PBX3: variants seen among roughly 807,000 people sequenced by gnomAD.
The protein encoded by PBX3 is PBX homeobox 3.
In PBX3, 14 loss-of-function variants were observed where a neutral mutation model predicts 48.5. The ratio of observed to expected loss-of-function variants is 0.29; its 90% CI spans 0.19 to 0.45. The LOEUF (loss-of-function observed/expected upper bound fraction) is 0.45. Ranked by LOEUF, PBX3 falls within the 20% of genes least tolerant of loss-of-function variation. PBX3 has a pLI of 1.00. For missense variants in PBX3, 386 were observed against 546.7 expected (o/e 0.71, Z 2.93); for synonymous variants, 210 against 200.3 (o/e 1.05, Z -0.41).
At chr9:125,796,427 A>T (rs150706290) in intron 2 of PBX3, among the ~76,000 whole-genome samples, 1 of 152,130 alleles carries the variant, frequency 6.6e-6, no homozygotes, top group East Asian at 1.9e-4. Context: ...CCACCAATTG[A>T]TGGGACAGAT....
intron 5 of PBX3, among the ~76,000 whole-genome samples, chr9:125,950,427 G>A (rs1354282647): frequency 1.3e-5 from 2 of 151,806 alleles, no homozygotes; most frequent in African/African-American, 4.8e-5. Context: ...CCCATTAAAA[G>A]TGGGATGTTT....
intron 5 of PBX3, among the ~76,000 whole-genome samples, chr9:125,937,618 G>A (rs1052601016): frequency 6.6e-6 from 1 of 152,156 alleles, no homozygotes; most frequent in Non-Finnish European, 1.5e-5. Flanking sequence ...TTTAAAAAGT[G>A]AAAGCAAAGA....
intron 3 of PBX3, 78 bp from the exon 4 acceptor site, chr9:125,929,577 G>GT: frequency 1.0e-6 from 1 of 968,590 alleles, no homozygotes; most frequent in Non-Finnish European, 1.6e-6. Context: ...TGCAAATGAG[G>GT]TGTAAATTCA....
intron 2 of PBX3, among the ~76,000 whole-genome samples, chr9:125,897,612 A>G (rs545538814): frequency 1.7e-4 from 26 of 152,052 alleles, no homozygotes; most frequent in African/African-American, 5.8e-4. Context: ...ATGTATTCAC[A>G]TGTCTAAAAA....
At chr9:125,864,238 G>C (rs1372553891) in intron 2 of PBX3, among the ~76,000 whole-genome samples, 1 of 152,088 alleles carries the variant, frequency 6.6e-6, no homozygotes, top group Non-Finnish European at 1.5e-5. Flanking sequence ...AGTATCCTGA[G>C]GGACCAGCAT....
chr9:125,919,359 ATTT>A (rs34891465), intron 3 of PBX3, among the ~76,000 whole-genome samples: 110 of 102,754 alleles, frequency 1.1e-3, no homozygotes, highest in African/African-American at 3.8e-3. Flanking sequence ...TGCCCGTCTA[ATTT>A]TTTTTTTTTT....
intron 3 of PBX3, among the ~76,000 whole-genome samples, chr9:125,929,451 G>C (rs1841665009): frequency 6.6e-6 from 1 of 152,194 alleles, no homozygotes; most frequent in African/African-American, 2.4e-5. Context: ...CTGTCTCCTT[G>C]CACGTCTGAC....
intron 2 of PBX3, among the ~76,000 whole-genome samples, chr9:125,900,057 G>A (rs1363402161): frequency 6.6e-6 from 1 of 151,600 alleles, no homozygotes; most frequent in Non-Finnish European, 1.5e-5. Context: ...GCATATCTCT[G>A]ACAATAAACT....
At chr9:125,753,283 AC>A (rs1300283375) in intron 2 of PBX3, among the ~76,000 whole-genome samples, 2 of 102,322 alleles carry the variant, frequency 2.0e-5, no homozygotes, top group South Asian at 3.9e-4. Flanking sequence ...TTAATATTTT[AC>A]CTTTTTTTTT....
At chr9:125,844,422 A>C (rs1839373736) in intron 2 of PBX3, 1 of 152,018 alleles carries the variant, frequency 6.6e-6, no homozygotes, top group African/African-American at 2.4e-5. Context: ...TATACTATAT[A>C]AAATGTCAAA....
chr9:125,861,789 T>C (rs1839868626), intron 2 of PBX3, among the ~76,000 whole-genome samples: 1 of 152,064 alleles, frequency 6.6e-6, no homozygotes, highest in Admixed American at 6.6e-5. Flanking sequence ...AGAAAGAAAG[T>C]AGATTAGTGG....
At chr9:125,761,409 A>G (rs1313268343) in intron 2 of PBX3, among the ~76,000 whole-genome samples, 1 of 152,152 alleles carries the variant, frequency 6.6e-6, no homozygotes, top group Non-Finnish European at 1.5e-5. Flanking sequence ...ATCCATCACT[A>G]TTCCACAATT....
intron 2 of PBX3, among the ~76,000 whole-genome samples, chr9:125,814,911 A>G (rs1425209076): frequency 6.6e-6 from 1 of 152,200 alleles, no homozygotes; most frequent in Non-Finnish European, 1.5e-5. Flanking sequence ...TGAGGTTGAA[A>G]ACACTATTCC....
rs1056446209 is a variant in PBX3, at chr9:125,832,344, C to A, written c.275-83342C>A. 3.3e-5 allele frequency among the ~76,000 whole-genome samples: 5 copies of A among 151,976 alleles called. 1 individual carries two copies. In the South Asian group the frequency reaches 1.0e-3, roughly 32 times the overall value. Reference sequence around the variant, plus strand: ...CCGAGTAGCTGGGACTACAGGCGCCCGCCACCACGCCTGTCTAATTTTTTG... The same window carrying A: ...CCGAGTAGCTGGGACTACAGGCGCCAGCCACCACGCCTGTCTAATTTTTTG... On this transcript the variant is annotated intron_variant, in intron 2 of 8. Transcript: ENST00000373489.
Position 125,777,961 on chromosome 9 carries a change from C to T in PBX3, c.274+29338C>T, listed in dbSNP as rs190950759. On this transcript the variant is annotated intron_variant, in intron 2 of 8. Coordinates refer to ENST00000373489, the MANE Select transcript of PBX3 (RefSeq NM_006195.6). ...TTTCTGATTTTTGTTTTCAAATCTT[C>T]TCTTTTTTTTTTTTTTTGAGATGGA... 7.6e-5 allele frequency among the ~76,000 whole-genome samples: 11 copies of T among 144,930 alleles called. No individual in the cohort carries two copies. In the East Asian group the frequency reaches 2.0e-3, roughly 26 times the overall value.
intron 5 of PBX3, among the ~76,000 whole-genome samples, chr9:125,946,190 T>C (rs1309277754): frequency 2.6e-5 from 4 of 152,174 alleles, no homozygotes. Context: ...GAATACCTTA[T>C]TCCTTGACAT....
chr9:125,966,145 G>T lies in PBX3; in HGVS notation c.*222G>T. 9.9e-6 allele frequency: 4 copies of T among 405,332 alleles called. No individual in the cohort carries two copies. The highest frequency in any genetic ancestry group is 1.3e-5 in the Non-Finnish European group (3 of 226,092). 25.1% of individuals were successfully genotyped at this position (405,332 alleles called of 1,614,324 possible). A position where few individuals can be genotyped will look rare whatever the true frequency, so the allele number is the denominator to read the frequency against. The stretch of plus-strand genomic sequence containing the variant: ...AAAAATAAAGCACTTTATCCAATTA[G>T]GCCAAGATTTAACATTGTTGACAGT... On this transcript the variant is annotated 3_prime_UTR_variant, in exon 9 of 9. Transcript: ENST00000373489.
intron 2 of PBX3, among the ~76,000 whole-genome samples, chr9:125,781,182 A>C (rs998925127): frequency 5.3e-5 from 8 of 150,060 alleles, no homozygotes; most frequent in African/African-American, 2.0e-4. Context: ...TGGGAGATGG[A>C]GGTTGTAGCG....
In PBX3 at chr9:125,925,204, A is replaced by T. The variant is rs188994263; in HGVS notation, c.517-4451A>T. On this transcript the variant is annotated intron_variant, in intron 3 of 8. Transcript: ENST00000373489. The stretch of plus-strand genomic sequence containing the variant: ...TGAATGTATGGTGGTGAAAAATTTT[A>T]AAATATATCAAAGATTACCTAGCAT... Among the ~76,000 whole-genome samples, 11 of 152,316 alleles carry T rather than the reference A, an allele frequency of 7.2e-5. No individual in the cohort carries two copies. The East Asian group carries it at 1.9e-3, about 27-fold the overall frequency.
Sources: gnomAD v4.1 joint callset for allele counts (sites outside exome capture counted in the v4.1 genomes callset) on GRCh38, gnomAD v4.1.1 for gene constraint, MANE v1.5 for transcripts, NCBI Gene and HGNC (gene_info 2026-07-23, HGNC 2026-07-21) for gene names.